The following GPR155 variants were observed in gnomAD, a reference collection of about 807,000 sequenced individuals.
The protein encoded by GPR155 is G protein-coupled receptor 155, also known as lysosomal cholesterol signaling protein.
Under a neutral mutation model 93.1 loss-of-function variants are expected in GPR155, and 65 were observed. The ratio of observed to expected loss-of-function variants is 0.70; its 90% CI spans 0.57 to 0.86. The LOEUF is 0.86. GPR155 is among the 40% of genes least tolerant of loss of function. GPR155 has a pLI of 0.00. For synonymous variants in GPR155, 319 were observed against 360.1 expected, an observed-to-expected ratio of 0.89 and a Z score of 1.29; for missense variants, 838 against 1,034.8, an observed-to-expected ratio of 0.81 and a Z score of 2.61.
chr2:174,459,713 C>T (rs1409272447), intron 10 of GPR155, among the ~76,000 whole-genome samples, 165 bp downstream of exon 10: 2 of 152,178 alleles, frequency 1.3e-5, no homozygotes, highest in Non-Finnish European at 2.9e-5. Flanking sequence ...GGCATGGTGG[C>T]AGGCACCTGT....
chr2:174,486,140 C>T (rs1688472133), intron 1 of GPR155, among the ~76,000 whole-genome samples: 1 of 152,190 alleles, frequency 6.6e-6, no homozygotes, highest in Non-Finnish European at 1.5e-5. Flanking sequence ...TATTAGAGCA[C>T]TCTTCAACAT....
At position 174,473,168 on chromosome 2, in the gene GPR155, T is replaced by C; in HGVS notation, c.657A>G (p.Ile219Met). ...CGATGCCAATGAAGACCATAAATAC[T>C]ATTGGGTTCTGTAATACACGCAGGA... is the stretch of plus-strand genomic sequence containing the variant. ...LGLLRVLQNP[I>M]VFMVFIGIAF... is the part of the protein sequence containing the mutation. Residue 219 changes from isoleucine (I) to methionine (M), a missense_variant, in exon 3 of 16, where the codon ATA becomes ATG. Transcript: ENST00000392552. The C allele has an allele frequency of 3.1e-6, 5 of 1,613,050 alleles. No homozygotes were observed. Among genetic ancestry groups the C allele is most frequent in the Non-Finnish European group, 4.2e-6 (5 of 1,179,318 alleles).
intron 11 of GPR155, among the ~76,000 whole-genome samples, chr2:174,449,732 T>C: frequency 6.6e-6 from 1 of 152,074 alleles, no homozygotes; most frequent in East Asian, 1.9e-4. Flanking sequence ...TCCTAGCACT[T>C]TGGGAGGCTG....
At chr2:174,474,934 G>A (rs1427483958) in intron 2 of GPR155, among the ~76,000 whole-genome samples, 1 of 151,972 alleles carries the variant, frequency 6.6e-6, no homozygotes, top group Admixed American at 6.6e-5. Flanking sequence ...ATTTGAAGTT[G>A]AGAAAGATAA....
chr2:174,461,509 T>C lies in GPR155; in HGVS notation c.1470-17A>G, dbSNP rs531466126. On this transcript the variant is annotated splice_polypyrimidine_tract_variant and intron_variant, in intron 8 of 15. Coordinates refer to ENST00000392552, the MANE Select transcript of GPR155 (RefSeq NM_152529.7). ...GCAGGAATTCTGTAATCACAAGTGA[T>C]ATTGGGAGAGAAAAAGAAAGGATGA... 18 of 1,596,478 alleles carry C rather than the reference T, an allele frequency of 1.1e-5. No homozygotes were observed. Among genetic ancestry groups the C allele is most frequent in the Non-Finnish European group, 1.5e-5 (18 of 1,164,128 alleles).
intron 2 of GPR155, among the ~76,000 whole-genome samples, chr2:174,478,825 G>T (rs1279694177): frequency 1.3e-5 from 2 of 151,866 alleles, no homozygotes; most frequent in African/African-American, 2.4e-5. Context: ...AGACAGAAAG[G>T]TCTTCTCTCT....
intron 11 of GPR155, among the ~76,000 whole-genome samples, chr2:174,448,398 A>G (rs1481535843): frequency 6.6e-6 from 1 of 152,210 alleles, no homozygotes; most frequent in Admixed American, 6.5e-5. Context: ...GCCTCAAACT[A>G]TAAGAATCCT....
intron 15 of GPR155, among the ~76,000 whole-genome samples, chr2:174,437,576 CCTTTT>C (rs1559094371): frequency 1.5e-5 from 2 of 131,598 alleles, no homozygotes; most frequent in Non-Finnish European, 3.1e-5. Flanking sequence ...TGGCCTAACA[CCTTTT>C]TTTTTTTTTT....
At position 174,436,127 on chromosome 2, in the gene GPR155, G is replaced by A; in HGVS notation, c.2602C>T (p.Pro868Ser). The change falls in exon 16 of 16, where the codon CCT (proline) becomes TCT (serine). Residue 868 changes from proline to serine, a missense_variant. Around this residue, in one of 3 missense-constraint regions of GPR155, gnomAD observed 146 missense variants for 177.5 expected, o/e 0.82. Transcript: ENST00000392552. The part of the protein sequence containing the change: ...IEHSSPPSHS[P>S]KT ...CTCCCCTGCATAATTTAGGTCTTAG[G>A]GGAATGTGAGGGTGGGGATGAATGC... is the stretch of plus-strand genomic sequence containing the variant. 1 of 1,612,568 alleles carries A rather than the reference G, an allele frequency of 6.2e-7. No homozygotes were observed. Among genetic ancestry groups the A allele is most frequent in the South Asian group, 1.1e-5 (1 of 91,024 alleles).
intron 10 of GPR155, among the ~76,000 whole-genome samples, chr2:174,454,384 G>T (rs1028012666): frequency 3.3e-5 from 5 of 152,100 alleles, no homozygotes; most frequent in Non-Finnish European, 7.4e-5. Flanking sequence ...CGATCTGCCC[G>T]CCTCGGCCTC....
At chr2:174,445,268 T>G in intron 12 of GPR155, 92 bp from the exon 13 acceptor site, 1 of 660,554 alleles carries the variant, frequency 1.5e-6, no homozygotes, top group Non-Finnish European at 2.7e-6. Context: ...ACCTACTTAA[T>G]AATTACAGGG....
At chr2:174,455,925 C>G (rs1481171367) in intron 10 of GPR155, among the ~76,000 whole-genome samples, 1 of 152,120 alleles carries the variant, frequency 6.6e-6, no homozygotes, top group Non-Finnish European at 1.5e-5. Flanking sequence ...ACTGCAACCT[C>G]TGCCTCCCAG....
At chr2:174,440,109 C>CTTATCACCTGCCTT (rs935019951) in intron 14 of GPR155, 74 bp from the exon 15 acceptor site, 1 of 1,243,194 alleles carries the variant, frequency 8.0e-7, no homozygotes, top group African/African-American at 1.5e-5. Flanking sequence ...CTTATCACCC[C>CTTATCACCTGCCTT]ATCAAAATGG....
Position 174,481,401 on chromosome 2 carries a change from C to A in GPR155, c.460+96G>T, listed in dbSNP as rs1053814128. On this transcript the variant is annotated intron_variant, in intron 2 of 15. Coordinates refer to ENST00000392552, the MANE Select transcript of GPR155 (RefSeq NM_152529.7). ...ACATATTTGAGAAAAAAATGAAAAA[C>A]TTCTTAGATATGAGAGTAAGAATCT... is the stretch of plus-strand genomic sequence containing the variant. 5 of 738,774 alleles carry A rather than the reference C, an allele frequency of 6.8e-6. No homozygotes were observed. The African/African-American group carries it at 8.9e-5, about 13-fold the overall frequency. 45.8% of individuals were successfully genotyped at this position (738,774 alleles called of 1,614,324 possible). A position where few individuals can be genotyped will look rare whatever the true frequency, so the allele number is the denominator to read the frequency against.
chr2:174,453,983 C>T, intron 10 of GPR155, 142 bp from the exon 11 acceptor site: 1 of 619,976 alleles, frequency 1.6e-6, no homozygotes, highest in East Asian at 2.7e-5. Flanking sequence ...TGGTATCTAT[C>T]CAAAAGTATT....
At position 174,436,055 on chromosome 2, in the gene GPR155, C is replaced by T; in HGVS notation, c.*61G>A. ...TGTTAACTTGCCCAAGGTCACCCAG[C>T]TAAAAACTAATGAATACGCGGCTAG... On this transcript the variant is annotated 3_prime_UTR_variant, in exon 16 of 16. Coordinates refer to ENST00000392552, the MANE Select transcript of GPR155 (RefSeq NM_152529.7). 6.9e-7 allele frequency: 1 copy of T among 1,441,968 alleles called. No individual in the cohort carries two copies. The highest frequency in any genetic ancestry group is 9.6e-7 in the Non-Finnish European group (1 of 1,044,888). 89.3% of individuals were successfully genotyped at this position (1,441,968 alleles called of 1,614,324 possible).
At chr2:174,451,812 A>G (rs1245272273) in intron 11 of GPR155, among the ~76,000 whole-genome samples, 1 of 151,912 alleles carries the variant, frequency 6.6e-6, no homozygotes, top group Admixed American at 6.6e-5. Context: ...CATTCAGCTA[A>G]TTTTTTTGAT....
chr2:174,481,856 G>A lies in GPR155; in HGVS notation c.101C>T (p.Pro34Leu), dbSNP rs1688331795. 1 of 1,613,918 alleles carries A rather than the reference G, an allele frequency of 6.2e-7. No homozygotes were observed. The highest frequency in any genetic ancestry group is 1.3e-5 in the African/African-American group (1 of 74,922). Residue 34 changes from proline (P) to leucine (L), a missense_variant, in exon 2 of 16, where the codon CCA becomes CTA. By Grantham distance (98) the Pro-to-Leu change is moderately conservative. This residue lies in a region of GPR155 where 663 missense variants were observed against 790.1 expected (regional missense o/e 0.84). Transcript: ENST00000392552. ...VTHGFNSTND[P>L]PSMSITRLFP... ...AAGCCTTGTAATTGACATTGAAGGT[G>A]GGTCATTAGTGGAATTAAATCCATG...
chr2:174,486,296 G>A (rs1688477618), intron 1 of GPR155, among the ~76,000 whole-genome samples: 1 of 152,164 alleles, frequency 6.6e-6, no homozygotes, highest in Non-Finnish European at 1.5e-5. Context: ...GGGGCGCAGA[G>A]AGTTCCTAAC....
Sources: allele counts gnomAD v4.1 joint callset (sites outside exome capture counted in the v4.1 genomes callset), GRCh38; gene constraint gnomAD v4.1.1; regional missense constraint gnomAD v4.1.1; transcripts MANE v1.5; gene names NCBI Gene and HGNC (gene_info 2026-07-23, HGNC 2026-07-21).